EDEM2: variants seen among roughly 807,000 people sequenced by gnomAD.
The protein encoded by EDEM2 is ER degradation enhancing alpha-mannosidase like protein 2, also known as ER degradation-enhancing alpha-mannosidase-like protein 2.
In EDEM2, 39 loss-of-function variants were observed where a neutral mutation model predicts 64.8. The ratio of observed to expected loss-of-function variants is 0.60; its 90% confidence interval spans 0.47 to 0.79. The LOEUF (loss-of-function observed/expected upper bound fraction) is 0.79. EDEM2 is among the 30% of genes least tolerant of loss of function. The probability of loss-of-function intolerance (pLI) is 0.00; values close to 1 mark genes in which losing one functional copy is unlikely to be tolerated. For synonymous variants in EDEM2, 296 were observed against 291.5 expected, an observed-to-expected ratio of 1.02 and a Z score of -0.16; for missense variants, 609 against 731.3, an observed-to-expected ratio of 0.83 and a Z score of 1.93.
chr20:35,115,495 G>C lies in EDEM2; in HGVS notation c.1675C>G (p.Pro559Ala). 6.2e-7 allele frequency: 1 copy of C among 1,614,040 alleles called. No individual in the cohort carries two copies. Among genetic ancestry groups the C allele is most frequent in the Non-Finnish European group, 8.5e-7 (1 of 1,179,902 alleles). ...AACTTGGAGGTGAAGGGCTGACTGG[G>C]GCAGCTGAGAAGTGGGACCTTCTGT... ...AKQKVPLLSC[P>A]SQPFTSKLAL... The change falls in exon 11 of 11, where the codon CCC becomes GCC. Residue 559 changes from proline to alanine, a missense_variant. Transcript: ENST00000374492.
At position 35,147,165 on chromosome 20, in the gene EDEM2, G is replaced by A. The variant is rs1239253058; in HGVS notation, c.94C>T (p.Pro32Ser). 3 of 1,602,248 alleles carry A rather than the reference G, an allele frequency of 1.9e-6. 1 individual carries two copies. Among genetic ancestry groups the A allele is most frequent in the South Asian group, 2.2e-5 (2 of 89,904 alleles). ...APGPDGSAPD[P>S]AHYRERVKAM... ...GTCACAGTTCACCTGTAGTGGGCGGGATCTGGCGCGGAGCCGTCGGGACCT... is the reference window on the plus strand; with the variant it reads ...GTCACAGTTCACCTGTAGTGGGCGGAATCTGGCGCGGAGCCGTCGGGACCT... The change falls in exon 1 of 11, where the codon CCC becomes TCC. Residue 32 changes from proline to serine, a missense_variant. Transcript: ENST00000374492.
chr20:35,137,025 A>G (rs2085585774), intron 5 of EDEM2, among the ~76,000 whole-genome samples: 1 of 152,142 alleles, frequency 6.6e-6, no homozygotes, highest in African/African-American at 2.4e-5. Flanking sequence ...GACGTTCTCT[A>G]AGCAGTTTCT....
chr20:35,135,355 C>T (rs530186548), intron 5 of EDEM2, among the ~76,000 whole-genome samples: 4 of 152,246 alleles, frequency 2.6e-5, no homozygotes, highest in African/African-American at 9.6e-5. Flanking sequence ...AAGAGTAAGC[C>T]CCGTTCAAAG....
intron 5 of EDEM2, among the ~76,000 whole-genome samples, chr20:35,136,048 A>C (rs1158895976): frequency 6.6e-6 from 1 of 152,188 alleles, no homozygotes; most frequent in South Asian, 2.1e-4. Flanking sequence ...CCTATGCGTC[A>C]CCAAACTGTG....
intron 4 of EDEM2, 136 bp from the exon 5 acceptor site, chr20:35,138,141 A>C: frequency 1.6e-6 from 2 of 1,255,968 alleles, no homozygotes; most frequent in Non-Finnish European, 2.2e-6. Context: ...AAGCTATTTC[A>C]CGGGTAAAAA....
intron 5 of EDEM2, among the ~76,000 whole-genome samples, chr20:35,135,494 T>C (rs1409589144): frequency 1.3e-5 from 2 of 152,058 alleles, no homozygotes; most frequent in Non-Finnish European, 2.9e-5. Context: ...CTACTAAAAA[T>C]ACAAAAATTA....
chr20:35,125,231 C>T, intron 8 of EDEM2, among the ~76,000 whole-genome samples: 1 of 147,258 alleles, frequency 6.8e-6, no homozygotes. Flanking sequence ...GACAGGGTCT[C>T]ACTCTGTCAC....
At chr20:35,118,546 T>C (rs1350464672) in intron 10 of EDEM2, 52 bp downstream of exon 10, 2 of 1,611,806 alleles carry the variant, frequency 1.2e-6, no homozygotes, top group Admixed American at 1.7e-5. Flanking sequence ...AAGAGGCTTT[T>C]TAGCAGCAAG....
chr20:35,115,646 G>A lies in EDEM2; in HGVS notation c.1524C>T (p.Leu508=). The A allele has an allele frequency of 6.2e-7, 1 of 1,614,142 alleles. No homozygotes were observed. The change falls in exon 11 of 11, where the codon CTC becomes CTT. Residue 508 remains leucine, a synonymous_variant. Coordinates refer to ENST00000374492, the MANE Select transcript of EDEM2 (RefSeq NM_018217.3). The part of the protein sequence containing the change: ...VEDLMREFYS[L]KRSRSKFQKN... ...TCTGAAATTTCGACCTGCTCCGTTT[G>A]AGAGAGTAGAATTCCCTCATCAAGT...
intron 3 of EDEM2, 114 bp downstream of exon 3, chr20:35,144,865 C>A: frequency 8.2e-7 from 1 of 1,214,100 alleles, no homozygotes; most frequent in Non-Finnish European, 1.2e-6. Flanking sequence ...TCATGAGATG[C>A]AAATAAAAGG....
rs372188918 is a variant in EDEM2, at chr20:35,123,864, G to A, written c.1114+26C>T. ...TTTCAGCAACCAGAGCCTGTGGGCA[G>A]ATGACAAGCCAGAAATGCTGCTCAC... On this transcript the variant is annotated intron_variant, in intron 9 of 10. Coordinates refer to ENST00000374492, the MANE Select transcript of EDEM2 (RefSeq NM_018217.3). 26 of 1,611,190 alleles carry A rather than the reference G, an allele frequency of 1.6e-5. No individual in the cohort carries two copies. The African/African-American group carries it at 3.1e-4, about 19-fold the overall frequency.
chr20:35,120,222 C>G (rs745932830), intron 9 of EDEM2, among the ~76,000 whole-genome samples: 2 of 152,174 alleles, frequency 1.3e-5, no homozygotes, highest in African/African-American at 2.4e-5. Flanking sequence ...GCCACCAGCC[C>G]TGACTAATTT....
intron 5 of EDEM2, among the ~76,000 whole-genome samples, chr20:35,135,319 AGTG>A: frequency 6.6e-6 from 1 of 152,342 alleles, no homozygotes; most frequent in Non-Finnish European, 1.5e-5. Flanking sequence ...AGCCACAGAA[AGTG>A]GTGGGGCTTG....
chr20:35,138,476 T>C (rs1007767412), intron 4 of EDEM2, among the ~76,000 whole-genome samples: 1 of 152,050 alleles, frequency 6.6e-6, no homozygotes. Context: ...TGTCACTCTG[T>C]CTGTCTCCCA....
intron 9 of EDEM2, among the ~76,000 whole-genome samples, chr20:35,121,823 C>T (rs2085373404): frequency 6.6e-6 from 1 of 151,462 alleles, no homozygotes; most frequent in African/African-American, 2.4e-5. Context: ...GAGACAGGGT[C>T]TCACTCCATT....
chr20:35,144,716 C>A (rs1011203771), intron 3 of EDEM2, among the ~76,000 whole-genome samples: 1 of 152,148 alleles, frequency 6.6e-6, no homozygotes, highest in Non-Finnish European at 1.5e-5. Flanking sequence ...CTGTATCCCC[C>A]ATAGAGCTAT....
intron 4 of EDEM2, among the ~76,000 whole-genome samples, chr20:35,140,399 G>A (rs141891122): frequency 0.024 from 3,715 of 152,164 alleles, 160 homozygotes; most frequent in African/African-American, 0.085. Context: ...CAGGAGAATC[G>A]TTTAAACCCA....
At chr20:35,128,287 G>GGAGTTTGAGAC (rs2085462787) in intron 7 of EDEM2, among the ~76,000 whole-genome samples, 20 of 150,426 alleles carry the variant, frequency 1.3e-4, no homozygotes, top group African/African-American at 2.5e-4. Flanking sequence ...GGAGGCTGAG[G>GGAGTTTGAGAC]CAGGAGAATG....
In EDEM2 at chr20:35,123,524, G is replaced by A. The variant is rs896687004; in HGVS notation, c.1114+366C>T. Reference sequence around the variant, plus strand: ...GGAGAATCGCTTGAACCCAGGAGGCGGAGGTTGCGGTGAGCCGAGATCACA... The same window carrying A: ...GGAGAATCGCTTGAACCCAGGAGGCAGAGGTTGCGGTGAGCCGAGATCACA... On this transcript the variant is annotated intron_variant, in intron 9 of 10. Transcript: ENST00000374492. 7.3e-5 allele frequency among the ~76,000 whole-genome samples: 11 copies of A among 150,626 alleles called. No individual in the cohort carries two copies. In the East Asian group the frequency reaches 1.4e-3, roughly 19 times the overall value.
Sources: allele counts gnomAD v4.1 joint callset (sites outside exome capture counted in the v4.1 genomes callset), GRCh38; gene constraint gnomAD v4.1.1; transcripts MANE v1.5; gene names NCBI Gene and HGNC (gene_info 2026-07-23, HGNC 2026-07-21).